XKR4: variants seen among roughly 807,000 people sequenced by gnomAD.
The protein encoded by XKR4 is XK-related protein 4.
Under a neutral mutation model 53.9 loss-of-function variants are expected in XKR4, and 12 were observed. That is an observed-to-expected ratio of 0.22 (90% CI 0.14 to 0.36). XKR4 has a LOEUF of 0.36. Among genes scored for constraint, XKR4 ranks in the 10% least tolerant of loss-of-function variants. XKR4 has a pLI of 1.00. For synonymous variants in XKR4, 354 were observed against 362.4 expected (o/e 0.98, Z 0.26); for missense variants, 799 against 859.5 (o/e 0.93, Z 0.88).
At chr8:55,474,433 G>A (rs1454345249) in intron 2 of XKR4, among the ~76,000 whole-genome samples, 1 of 151,958 alleles carries the variant, frequency 6.6e-6, no homozygotes, top group Non-Finnish European at 1.5e-5. Context: ...TACACACTGT[G>A]CACACACATA....
intron 1 of XKR4, among the ~76,000 whole-genome samples, chr8:55,297,316 A>C (rs1054422125): frequency 6.6e-6 from 1 of 152,228 alleles, no homozygotes; most frequent in African/African-American, 2.4e-5. Flanking sequence ...TACGAGGTTA[A>C]ATTTGGCGAT....
At position 55,536,063 on chromosome 8, in the gene XKR4, A is replaced by T. The variant is rs984658225; in HGVS notation, c.*11836A>T. ...GGCCTTACTCATCTTCCCATTGTAA[A>T]TATATCACAATGTCACAAGAGCCTC... On this transcript the variant is annotated 3_prime_UTR_variant, in exon 3 of 3. Coordinates refer to ENST00000327381, the MANE Select transcript of XKR4 (RefSeq NM_052898.2). 1 of 152,224 alleles carries T rather than the reference A, an allele frequency of 6.6e-6. No individual in the cohort carries two copies. Among genetic ancestry groups the T allele is most frequent in the Non-Finnish European group, 1.5e-5 (1 of 68,044 alleles). The allele number at this position is 152,224 out of a possible 1,614,324, so 9.4% of individuals were successfully genotyped here.
At chr8:55,289,693 AAG>A (rs763770864) in intron 1 of XKR4, among the ~76,000 whole-genome samples, 26 of 124,340 alleles carry the variant, frequency 2.1e-4, no homozygotes, top group Middle Eastern at 4.4e-3. Context: ...GAAAGAAAGA[AAG>A]AGAAAGAAAG....
intron 1 of XKR4, among the ~76,000 whole-genome samples, chr8:55,330,096 C>T (rs1449856367): frequency 6.6e-6 from 1 of 152,128 alleles, no homozygotes; most frequent in East Asian, 1.9e-4. Flanking sequence ...TCAGCAGCAG[C>T]ACTATCACCA....
chr8:55,304,378 G>C lies in XKR4; in HGVS notation c.807-53300G>C, dbSNP rs899863070. Among the ~76,000 whole-genome samples, 13 of 152,164 alleles carry C rather than the reference G, an allele frequency of 8.5e-5. No homozygotes were observed. In the East Asian group the frequency reaches 1.4e-3, roughly 16 times the overall value. On this transcript the variant is annotated intron_variant, in intron 1 of 2. Coordinates refer to ENST00000327381, the MANE Select transcript of XKR4 (RefSeq NM_052898.2). The stretch of plus-strand genomic sequence containing the variant: ...TCTGAGAGACAGTTTGTTATAATTT[G>C]TGTTCTTTTACATTTGCTGAGGAGT...
chr8:55,503,674 C>T (rs137943158), intron 2 of XKR4, among the ~76,000 whole-genome samples: 2 of 152,212 alleles, frequency 1.3e-5, no homozygotes, highest in African/African-American at 4.8e-5. Flanking sequence ...CTTCTTTTCT[C>T]ATTTGCATGT....
intron 1 of XKR4, among the ~76,000 whole-genome samples, chr8:55,351,486 C>T (rs78351094): frequency 6.6e-6 from 1 of 152,242 alleles, no homozygotes; most frequent in East Asian, 1.9e-4. Context: ...TAGAAACAAA[C>T]AGCTGGGAGT....
chr8:55,266,875 G>A (rs1262353771), intron 1 of XKR4, among the ~76,000 whole-genome samples: 5 of 152,124 alleles, frequency 3.3e-5, no homozygotes, highest in African/African-American at 1.2e-4. Flanking sequence ...CATTAGCATC[G>A]CATGCCTGTG....
chr8:55,372,595 A>AT (rs1216279333), intron 2 of XKR4, among the ~76,000 whole-genome samples: 2 of 140,476 alleles, frequency 1.4e-5, no homozygotes, highest in Non-Finnish European at 3.1e-5. Flanking sequence ...TAGGATCAGG[A>AT]TTTTGTGGCC....
intron 2 of XKR4, among the ~76,000 whole-genome samples, chr8:55,414,764 A>G (rs1404400220): frequency 6.6e-6 from 1 of 152,138 alleles, no homozygotes; most frequent in African/African-American, 2.4e-5. Flanking sequence ...TGATCCATGC[A>G]ATTTTCCGAG....
intron 1 of XKR4, chr8:55,164,723 C>A: frequency 3.9e-6 from 1 of 258,042 alleles, no homozygotes. Flanking sequence ...ATAATAATAC[C>A]ATTACCAATT....
chr8:55,108,937 C>A (rs7838991), intron 1 of XKR4, among the ~76,000 whole-genome samples: 3,088 of 152,092 alleles, frequency 0.02, 90 homozygotes, highest in African/African-American at 0.069. Context: ...GGGGTGAAAG[C>A]AACATGGAAA....
chr8:55,126,209 T>A (rs1346513787), intron 1 of XKR4, among the ~76,000 whole-genome samples: 1 of 152,130 alleles, frequency 6.6e-6, no homozygotes, highest in Non-Finnish European at 1.5e-5. Context: ...ACCAAAAACT[T>A]GTATTGGTGG....
At chr8:55,236,957 C>A (rs1485513638) in intron 1 of XKR4, among the ~76,000 whole-genome samples, 1 of 152,186 alleles carries the variant, frequency 6.6e-6, no homozygotes, top group Non-Finnish European at 1.5e-5. Flanking sequence ...AACCTTCTGG[C>A]AAGCTATCAT....
chr8:55,297,539 C>T (rs1034180280), intron 1 of XKR4, among the ~76,000 whole-genome samples: 14 of 152,064 alleles, frequency 9.2e-5, no homozygotes, highest in Admixed American at 7.2e-4. Context: ...CTGGCCATGA[C>T]CTACTGAGAT....
rs529401611 is a variant in XKR4, at chr8:55,172,082, C to T, written c.806+68788C>T. Among the ~76,000 whole-genome samples the T allele has an allele frequency of 8.3e-4, 127 of 152,112 alleles. 2 individuals carry two copies. The highest frequency in any genetic ancestry group is 8.1e-3 in the Admixed American group (124 of 15,274). The stretch of plus-strand genomic sequence containing the variant: ...TACAAAAATTAGCTGGGCGTGGTGC[C>T]GCATTCCTGTAATCCTAGCTACTCA... On this transcript the variant is annotated intron_variant, in intron 1 of 2. Coordinates refer to ENST00000327381, the MANE Select transcript of XKR4 (RefSeq NM_052898.2).
intron 2 of XKR4, among the ~76,000 whole-genome samples, chr8:55,395,961 C>G (rs1423906602): frequency 6.6e-6 from 1 of 152,244 alleles, no homozygotes; most frequent in African/African-American, 2.4e-5. Flanking sequence ...GGTTTACAGG[C>G]AGCCTTCTCA....
At chr8:55,121,391 A>G (rs541380598) in intron 1 of XKR4, among the ~76,000 whole-genome samples, 1 of 152,236 alleles carries the variant, frequency 6.6e-6, no homozygotes, top group Non-Finnish European at 1.5e-5. Flanking sequence ...GCAACAGAGT[A>G]GTGAACCAGG....
At chr8:55,254,906 A>G (rs1347903539) in intron 1 of XKR4, among the ~76,000 whole-genome samples, 2 of 152,178 alleles carry the variant, frequency 1.3e-5, no homozygotes, top group Non-Finnish European at 2.9e-5. Flanking sequence ...CTACTCATGA[A>G]TTATATTCTG....
Sources: gnomAD v4.1 joint callset for allele counts (sites outside exome capture counted in the v4.1 genomes callset) on GRCh38, gnomAD v4.1.1 for gene constraint, MANE v1.5 for transcripts, NCBI Gene and HGNC (gene_info 2026-07-23, HGNC 2026-07-21) for gene names.